PTPRD: variants seen among roughly 807,000 people sequenced by gnomAD.
The protein encoded by PTPRD is receptor-type tyrosine-protein phosphatase delta.
In PTPRD, 34 loss-of-function variants were observed where a neutral mutation model predicts 214.5. The observed-to-expected ratio is 0.16, with a 90% CI of 0.12 to 0.21. The LOEUF is 0.21. PTPRD is among the 10% of genes least tolerant of loss of function. The probability of loss-of-function intolerance (pLI) is 1.00; values close to 1 mark genes in which losing one functional copy is unlikely to be tolerated. For synonymous variants in PTPRD, 1,128 were observed against 845.7 expected (o/e 1.33, Z -5.79); for missense variants, 2,545 against 2,398.7 (o/e 1.06, Z -1.27).
chr9:9,345,528 T>C (rs1477659039), intron 9 of PTPRD, among the ~76,000 whole-genome samples: 5 of 152,276 alleles, frequency 3.3e-5, no homozygotes, highest in South Asian at 2.1e-4. Flanking sequence ...AATATTTTCA[T>C]GATGTAGTAT....
At chr9:10,179,657 G>A (rs571892696) in intron 3 of PTPRD, among the ~76,000 whole-genome samples, 1 of 152,058 alleles carries the variant, frequency 6.6e-6, no homozygotes, top group South Asian at 2.1e-4. Flanking sequence ...TTCAAGATGT[G>A]TTACCTATAT....
intron 5 of PTPRD, among the ~76,000 whole-genome samples, chr9:9,891,686 T>C (rs905690646): frequency 2.6e-5 from 4 of 152,084 alleles, no homozygotes; most frequent in African/African-American, 7.2e-5. Context: ...TGGTCAAATA[T>C]ACACTATTTC....
chr9:10,048,897 G>A (rs1050026470), intron 3 of PTPRD, among the ~76,000 whole-genome samples: 9 of 151,980 alleles, frequency 5.9e-5, no homozygotes, highest in Non-Finnish European at 1.3e-4. Context: ...AGCAGAAAGA[G>A]CAGAAAGGTG....
At chr9:9,987,306 A>G (rs2095749799) in intron 4 of PTPRD, among the ~76,000 whole-genome samples, 1 of 152,152 alleles carries the variant, frequency 6.6e-6, no homozygotes, top group Non-Finnish European at 1.5e-5. Flanking sequence ...TGTGTTGTCC[A>G]TTTTCACACT....
chr9:10,307,312 A>C (rs909349289), intron 3 of PTPRD, among the ~76,000 whole-genome samples: 1 of 152,092 alleles, frequency 6.6e-6, no homozygotes, highest in Non-Finnish European at 1.5e-5. Context: ...ACATATGAGT[A>C]AGAACATATG....
intron 11 of PTPRD, among the ~76,000 whole-genome samples, chr9:8,747,755 C>G (rs1340448117): frequency 1.3e-5 from 2 of 152,130 alleles, no homozygotes; most frequent in Non-Finnish European, 2.9e-5. Context: ...AAACCCTTCA[C>G]CAAACCTTTC....
intron 2 of PTPRD, among the ~76,000 whole-genome samples, chr9:10,373,115 A>G (rs2097661799): frequency 6.7e-6 from 1 of 150,268 alleles, no homozygotes; most frequent in Non-Finnish European, 1.5e-5. Context: ...TTACAGCTTG[A>G]GTCACTGTGC....
At chr9:9,938,364 T>C (rs1197005877) in intron 5 of PTPRD, 143 bp downstream of exon 5, 1 of 152,222 alleles carries the variant, frequency 6.6e-6, no homozygotes, top group East Asian at 1.9e-4. Context: ...AAAATTATAC[T>C]ATTTTAAAGA....
chr9:9,434,232 T>A (rs577142433), intron 8 of PTPRD, among the ~76,000 whole-genome samples: 6 of 152,274 alleles, frequency 3.9e-5, no homozygotes. Flanking sequence ...TCTGAGCTTC[T>A]TCACTAGAGA....
chr9:9,185,764 G>A (rs1441219376), intron 9 of PTPRD, among the ~76,000 whole-genome samples: 1 of 151,986 alleles, frequency 6.6e-6, no homozygotes, highest in Non-Finnish European at 1.5e-5. Context: ...TCACATTAAT[G>A]TCTATATATT....
Position 9,275,153 on chromosome 9 carries a change from TTA to T in PTPRD, c.-202-91792_-202-91791del, listed in dbSNP as rs1376107029. ...TTATATATAATATATATATAATATA[TTA>T]TATATATAACATATATATAATATAT... On this transcript the variant is annotated intron_variant, in intron 9 of 45. Coordinates refer to ENST00000381196, the MANE Select transcript of PTPRD (RefSeq NM_002839.4). 8.5e-4 allele frequency among the ~76,000 whole-genome samples: 53 copies of T among 62,546 alleles called. 1 individual carries two copies. Among genetic ancestry groups the T allele is most frequent in the Admixed American group, 2.3e-3 (8 of 3,550 alleles). 41.0% of individuals were successfully genotyped at this position (62,546 alleles called of 152,430 possible).
At chr9:9,140,751 T>A (rs1213209401) in intron 10 of PTPRD, among the ~76,000 whole-genome samples, 1 of 152,158 alleles carries the variant, frequency 6.6e-6, no homozygotes, top group Non-Finnish European at 1.5e-5. Context: ...GCTAATTTTT[T>A]GTGTTTTTAG....
At chr9:10,531,818 T>C (rs1421753265) in intron 2 of PTPRD, among the ~76,000 whole-genome samples, 1 of 152,176 alleles carries the variant, frequency 6.6e-6, no homozygotes, top group Non-Finnish European at 1.5e-5. Flanking sequence ...GATGTATCAA[T>C]GGTATTCCAA....
At chr9:8,377,027 T>G (rs1315042646) in intron 37 of PTPRD, among the ~76,000 whole-genome samples, 1 of 152,084 alleles carries the variant, frequency 6.6e-6, no homozygotes, top group East Asian at 1.9e-4. Flanking sequence ...TCAGTGAGCT[T>G]GAAGAGAAAA....
chr9:9,500,679 G>C (rs190426795), intron 8 of PTPRD, among the ~76,000 whole-genome samples: 47 of 152,132 alleles, frequency 3.1e-4, no homozygotes, highest in Non-Finnish European at 5.7e-4. Context: ...TGAAGATTTG[G>C]ATCCATAAGA....
chr9:8,420,461 A>G (rs903342529), intron 35 of PTPRD, among the ~76,000 whole-genome samples: 2 of 151,936 alleles, frequency 1.3e-5, no homozygotes, highest in Non-Finnish European at 2.9e-5. Context: ...CATTTGGGAG[A>G]AATGAGCAGC....
At chr9:10,503,516 G>A (rs1183756948) in intron 2 of PTPRD, among the ~76,000 whole-genome samples, 1 of 152,008 alleles carries the variant, frequency 6.6e-6, no homozygotes, top group Non-Finnish European at 1.5e-5. Flanking sequence ...GGAGAAGAGA[G>A]GGGCAGGATA....
intron 4 of PTPRD, among the ~76,000 whole-genome samples, chr9:10,018,648 T>C (rs10755993): frequency 0.4 from 53,679 of 134,748 alleles, 11,465 homozygotes; most frequent in Middle Eastern, 0.61. Context: ...CCCGGGTTCA[T>C]GCCATTCTCC....
intron 8 of PTPRD, among the ~76,000 whole-genome samples, chr9:9,510,346 C>G (rs1206964424): frequency 6.6e-6 from 1 of 150,922 alleles, no homozygotes; most frequent in Non-Finnish European, 1.5e-5. Context: ...ATGTCTTATT[C>G]TTTTAGTTTT....
Sources: gnomAD v4.1 joint callset for allele counts (sites outside exome capture counted in the v4.1 genomes callset) on GRCh38, gnomAD v4.1.1 for gene constraint, MANE v1.5 for transcripts, NCBI Gene and HGNC (gene_info 2026-07-23, HGNC 2026-07-21) for gene names.